Variants in HS6ST3 observed in about 807,000 individuals in gnomAD.
The protein encoded by HS6ST3 is heparan sulfate 6-O-sulfotransferase 3.
Under a neutral mutation model 36.7 loss-of-function variants are expected in HS6ST3, and 12 were observed. The ratio of observed to expected loss-of-function variants is 0.33; its 90% confidence interval spans 0.21 to 0.53. The LOEUF (loss-of-function observed/expected upper bound fraction) is 0.53, where lower values mean the gene tolerates loss of function less well. HS6ST3 is among the 20% of genes least tolerant of loss of function. The pLI is 0.95. For missense variants in HS6ST3, 584 were observed against 640.9 expected (o/e 0.91, Z 0.96); for synonymous variants, 240 against 257.5 (o/e 0.93, Z 0.65).
intron 1 of HS6ST3, among the ~76,000 whole-genome samples, chr13:96,209,817 C>T (rs2054389969): frequency 6.6e-6 from 1 of 152,220 alleles, no homozygotes; most frequent in African/African-American, 2.4e-5. Context: ...AATGTCACTT[C>T]TTCAGAGGTC....
intron 1 of HS6ST3, among the ~76,000 whole-genome samples, chr13:96,185,407 A>T (rs2054260433): frequency 6.6e-6 from 1 of 152,216 alleles, no homozygotes; most frequent in South Asian, 2.1e-4. Context: ...CCTTTAAAGA[A>T]GAGAAACTTC....
intron 1 of HS6ST3, among the ~76,000 whole-genome samples, chr13:96,663,333 C>T (rs1217812842): frequency 6.6e-6 from 1 of 152,126 alleles, no homozygotes; most frequent in Non-Finnish European, 1.5e-5. Flanking sequence ...CACAGTTCTC[C>T]ATGGGAAATT....
intron 1 of HS6ST3, among the ~76,000 whole-genome samples, chr13:96,603,316 A>G (rs1450005258): frequency 6.6e-6 from 1 of 152,180 alleles, no homozygotes; most frequent in Admixed American, 6.5e-5. Flanking sequence ...GTTTATAGAA[A>G]TTGAATTATA....
At chr13:96,319,389 T>A (rs1170094764) in intron 1 of HS6ST3, among the ~76,000 whole-genome samples, 1 of 152,222 alleles carries the variant, frequency 6.6e-6, no homozygotes, top group African/African-American at 2.4e-5. Context: ...GCTTATCCAT[T>A]CATCAGCTCA....
intron 1 of HS6ST3, among the ~76,000 whole-genome samples, chr13:96,452,255 G>C (rs893177538): frequency 6.6e-6 from 1 of 152,110 alleles, no homozygotes; most frequent in African/African-American, 2.4e-5. Context: ...CAGAACTTGA[G>C]GGTAAATAGC....
intron 1 of HS6ST3, among the ~76,000 whole-genome samples, chr13:96,351,137 C>T (rs1425432078): frequency 6.6e-6 from 1 of 151,986 alleles, no homozygotes; most frequent in African/African-American, 2.4e-5. Flanking sequence ...GGTCACGTAG[C>T]ATTAAGGATA....
At chr13:96,722,388 A>G (rs1875871983) in intron 1 of HS6ST3, among the ~76,000 whole-genome samples, 2 of 152,202 alleles carry the variant, frequency 1.3e-5, no homozygotes, top group African/African-American at 4.8e-5. Context: ...AAATTTGTCA[A>G]TGCACTGTCC....
At chr13:96,510,248 C>T (rs1366373132) in intron 1 of HS6ST3, among the ~76,000 whole-genome samples, 1 of 151,966 alleles carries the variant, frequency 6.6e-6, no homozygotes, top group Non-Finnish European at 1.5e-5. Context: ...TAACCAGAGA[C>T]TTTAATCAAT....
chr13:96,315,220 C>G, intron 1 of HS6ST3, among the ~76,000 whole-genome samples: 1 of 152,124 alleles, frequency 6.6e-6, no homozygotes, highest in East Asian at 1.9e-4. Context: ...ACATATTTCT[C>G]TAAGATCTTG....
chr13:96,785,944 G>A (rs902983386), intron 1 of HS6ST3, among the ~76,000 whole-genome samples: 1 of 152,160 alleles, frequency 6.6e-6, no homozygotes. Flanking sequence ...ACCAGATCAT[G>A]GCTGCTCCTT....
chr13:96,807,958 A>G (rs1490139653), intron 1 of HS6ST3, among the ~76,000 whole-genome samples: 1 of 152,162 alleles, frequency 6.6e-6, no homozygotes, highest in Non-Finnish European at 1.5e-5. Context: ...TTAAATACCT[A>G]TTACACACTC....
chr13:96,236,165 G>C (rs946400531), intron 1 of HS6ST3, among the ~76,000 whole-genome samples: 18 of 152,164 alleles, frequency 1.2e-4, no homozygotes, highest in African/African-American at 4.3e-4. Context: ...TTTTACGGCT[G>C]CTTTTTCTAG....
intron 1 of HS6ST3, among the ~76,000 whole-genome samples, chr13:96,170,977 T>C (rs1426035774): frequency 6.6e-6 from 1 of 152,232 alleles, no homozygotes; most frequent in Non-Finnish European, 1.5e-5. Context: ...GTACTGAAAT[T>C]ATTTTAAAAA....
At chr13:96,657,629 A>G (rs1436644959) in intron 1 of HS6ST3, among the ~76,000 whole-genome samples, 1 of 152,202 alleles carries the variant, frequency 6.6e-6, no homozygotes, top group Admixed American at 6.6e-5. Flanking sequence ...ATCATGGTCT[A>G]CACATGCCAT....
chr13:96,402,914 G>A (rs993561401), intron 1 of HS6ST3, among the ~76,000 whole-genome samples: 4 of 152,186 alleles, frequency 2.6e-5, no homozygotes, highest in Admixed American at 6.5e-5. Flanking sequence ...GTTTCCTTTC[G>A]CTTGGGTAAC....
chr13:96,390,385 T>G (rs890101123), intron 1 of HS6ST3, among the ~76,000 whole-genome samples: 10 of 152,140 alleles, frequency 6.6e-5, no homozygotes, highest in Admixed American at 6.5e-4. Flanking sequence ...TCCCCTCATA[T>G]AAAAGACCTC....
chr13:96,476,414 G>A (rs1236791096), intron 1 of HS6ST3, among the ~76,000 whole-genome samples: 2 of 152,048 alleles, frequency 1.3e-5, no homozygotes, highest in Non-Finnish European at 2.9e-5. Flanking sequence ...CCAGGCTGGA[G>A]TGCAATGGTG....
chr13:96,305,499 T>C (rs1594748528), intron 1 of HS6ST3, among the ~76,000 whole-genome samples: 1 of 152,324 alleles, frequency 6.6e-6, no homozygotes, highest in African/African-American at 2.4e-5. Flanking sequence ...TGCTGTAGGA[T>C]CTGTACAGAT....
chr13:96,528,494 T>A (rs1566387717), intron 1 of HS6ST3, among the ~76,000 whole-genome samples: 1 of 152,208 alleles, frequency 6.6e-6, no homozygotes, highest in Non-Finnish European at 1.5e-5. Flanking sequence ...TTAATAAATA[T>A]GTTTTTGATA....
Sources: allele counts gnomAD v4.1 joint callset (sites outside exome capture counted in the v4.1 genomes callset), GRCh38; gene constraint gnomAD v4.1.1; transcripts MANE v1.5; gene names NCBI Gene and HGNC (gene_info 2026-07-23, HGNC 2026-07-21).